Variants in RASGRF1 observed in about 807,000 individuals in gnomAD.
The protein encoded by RASGRF1 is ras-specific guanine nucleotide-releasing factor 1.
Under a neutral mutation model 138.7 loss-of-function variants are expected in RASGRF1, and 40 were observed. The observed-to-expected ratio is 0.29, with a 90% confidence interval of 0.22 to 0.38. RASGRF1 has a LOEUF of 0.38. Ranked by LOEUF, RASGRF1 falls within the 10% of genes least tolerant of loss-of-function variation. The pLI, the probability that RASGRF1 is intolerant of heterozygous loss-of-function variation, is 1.00. For synonymous variants in RASGRF1, 614 were observed against 663.2 expected (o/e 0.93, Z 1.14); for missense variants, 1,108 against 1,650.4 (o/e 0.67, Z 5.69).
chr15:78,978,486 A>G lies in RASGRF1; in HGVS notation c.3494+2134T>C, dbSNP rs369285144. ...GTGATCTGCCCACCTCGGCCTCCTA[A>G]AGTGCTGGGATTATAGGCATGAGCC... is the stretch of plus-strand genomic sequence containing the variant. On this transcript the variant is annotated intron_variant, in intron 24 of 26. Coordinates refer to ENST00000558480, the MANE Select transcript of RASGRF1 (RefSeq NM_001145648.3). The G allele has an allele frequency of 1.5e-4, 141 of 967,296 alleles. 1 individual carries two copies. The East Asian group carries it at 0.011, about 79-fold the overall frequency. The allele number at this position is 967,296 out of a possible 1,614,324, so 59.9% of individuals were successfully genotyped here. A position where few individuals can be genotyped will look rare whatever the true frequency, so the allele number is the denominator to read the frequency against.
intron 1 of RASGRF1, among the ~76,000 whole-genome samples, chr15:79,068,277 G>C (rs2057706086): frequency 6.6e-6 from 1 of 152,040 alleles, no homozygotes; most frequent in Non-Finnish European, 1.5e-5. Context: ...CACTGTAATG[G>C]AGAAGAGTTA....
intron 5 of RASGRF1, among the ~76,000 whole-genome samples, chr15:79,045,004 G>C (rs1163879133): frequency 2.0e-5 from 3 of 152,206 alleles, no homozygotes; most frequent in African/African-American, 7.2e-5. Flanking sequence ...TCTTAGTGAT[G>C]ATGATAAATG....
At chr15:79,038,646 A>T (rs1426098982) in intron 5 of RASGRF1, among the ~76,000 whole-genome samples, 1 of 152,104 alleles carries the variant, frequency 6.6e-6, no homozygotes, top group African/African-American at 2.4e-5. Context: ...TTAAATAACT[A>T]TATTAAGTGT....
At chr15:79,018,008 C>T (rs543542545) in intron 11 of RASGRF1, 102 bp from the exon 12 acceptor site, 191 of 1,424,144 alleles carry the variant, frequency 1.3e-4, no homozygotes, top group Non-Finnish European at 1.7e-4. Flanking sequence ...GGAGGCTCTG[C>T]GTTGGTAAGG....
At chr15:79,013,366 C>T (rs1302540599) in intron 13 of RASGRF1, among the ~76,000 whole-genome samples, 8 of 152,236 alleles carry the variant, frequency 5.3e-5, no homozygotes, top group Non-Finnish European at 7.3e-5. Flanking sequence ...TCAACTTGTG[C>T]AGAGGCTTAA....
intron 24 of RASGRF1, chr15:78,978,953 G>C (rs1023325428): frequency 1.1e-5 from 14 of 1,286,702 alleles, no homozygotes; most frequent in Non-Finnish European, 1.4e-5. Flanking sequence ...ACCTGAAAGA[G>C]GGAAGACGGT....
intron 1 of RASGRF1, among the ~76,000 whole-genome samples, chr15:79,086,576 C>A (rs2057982881): frequency 3.0e-5 from 1 of 32,954 alleles, no homozygotes; most frequent in African/African-American, 3.0e-4. Context: ...GGTTCTAAGA[C>A]CCCCCCCCCC....
At chr15:79,034,920 A>G (rs1220464466) in intron 6 of RASGRF1, among the ~76,000 whole-genome samples, 1 of 152,258 alleles carries the variant, frequency 6.6e-6, no homozygotes, top group Non-Finnish European at 1.5e-5. Flanking sequence ...TAAAAGGGGA[A>G]AGTGGATAGG....
chr15:79,039,160 G>A (rs2057261886), intron 5 of RASGRF1, among the ~76,000 whole-genome samples: 1 of 151,824 alleles, frequency 6.6e-6, no homozygotes, highest in Non-Finnish European at 1.5e-5. Context: ...AATTAGCCAG[G>A]AATGGTGGTG....
At position 79,006,154 on chromosome 15, in the gene RASGRF1, C is replaced by G. The variant is rs117070374; in HGVS notation, c.2075+32G>C. 39,992 of 1,612,564 alleles carry G rather than the reference C, an allele frequency of 0.025. 613 individuals carry two copies. Among genetic ancestry groups the G allele is most frequent in the Non-Finnish European group, 0.03 (35,279 of 1,178,876 alleles). On this transcript the variant is annotated intron_variant, in intron 14 of 26. Coordinates refer to ENST00000558480, the MANE Select transcript of RASGRF1 (RefSeq NM_001145648.3). This position sits in a 1 kb window ranked among gnomAD's most constrained non-coding sequence, Gnocchi z 4.0. ...TTTCCTCCAAGGCTTGGAAGCTCTCCGGGCATGGGAGGAGGAGGGCACCTC... is the reference window on the plus strand; with the variant it reads ...TTTCCTCCAAGGCTTGGAAGCTCTCGGGGCATGGGAGGAGGAGGGCACCTC...
chr15:78,998,223 T>G lies in RASGRF1; in HGVS notation c.2854-15A>C, dbSNP rs759685468. 1.9e-5 allele frequency: 30 copies of G among 1,603,842 alleles called. No individual in the cohort carries two copies. The highest frequency in any genetic ancestry group is 1.8e-5 in the Non-Finnish European group (21 of 1,170,814). ...GTCTCAAAGTCCTGCCGGGAAGGTG[T>G]GATGGGTGGCTCTGGTTACTGTTTT... On this transcript the variant is annotated splice_polypyrimidine_tract_variant and intron_variant, in intron 18 of 26. Coordinates refer to ENST00000558480, the MANE Select transcript of RASGRF1 (RefSeq NM_001145648.3).
At chr15:79,012,794 C>T (rs112875166) in intron 13 of RASGRF1, among the ~76,000 whole-genome samples, 1,687 of 152,274 alleles carry the variant, frequency 0.011, 35 homozygotes, top group African/African-American at 0.038. Flanking sequence ...GTGATGCTCT[C>T]GCCTCAGCCT....
At chr15:78,965,026 G>GT (rs1596305858) in intron 26 of RASGRF1, among the ~76,000 whole-genome samples, 1 of 151,998 alleles carries the variant, frequency 6.6e-6, no homozygotes, top group Admixed American at 6.6e-5. Context: ...CCGTTTTCAG[G>GT]TTTTTTGATA....
At position 78,993,047 on chromosome 15, in the gene RASGRF1, ATGTGGGTGGTG is replaced by A. The variant is rs1193815458; in HGVS notation, c.3028-1264_3028-1254del. On this transcript the variant is annotated intron_variant, in intron 20 of 26. Coordinates refer to ENST00000558480, the MANE Select transcript of RASGRF1 (RefSeq NM_001145648.3). ...GGTGTGTGGGTGGTGTGTGTGTGCC[ATGTGGGTGGTG>A]TGTGGGTGGTGTGTGTGGTGTGTGG... Among the ~76,000 whole-genome samples, 9 of 137,294 alleles carry A rather than the reference ATGTGGGTGGTG, an allele frequency of 6.6e-5. No homozygotes were observed. The South Asian group carries it at 7.4e-4, about 11-fold the overall frequency. 90.1% of individuals were successfully genotyped at this position (137,294 alleles called of 152,430 possible). A position where few individuals can be genotyped will look rare whatever the true frequency, so the allele number is the denominator to read the frequency against.
chr15:79,061,486 T>G (rs2057606804), intron 2 of RASGRF1, among the ~76,000 whole-genome samples: 1 of 147,344 alleles, frequency 6.8e-6, no homozygotes, highest in Non-Finnish European at 1.5e-5. Context: ...GCGTAGGTCT[T>G]AAGTGCAGTT....
intron 4 of RASGRF1, 126 bp from the exon 5 acceptor site, chr15:79,047,125 A>G (rs1304321706): frequency 2.5e-6 from 3 of 1,196,290 alleles, no homozygotes; most frequent in Admixed American, 4.9e-5. Context: ...GGCATGTAGC[A>G]AAAAGAGCTC....
At chr15:78,988,719 CAGA>C (rs2056210501) in intron 22 of RASGRF1, among the ~76,000 whole-genome samples, 1 of 152,124 alleles carries the variant, frequency 6.6e-6, no homozygotes, top group African/African-American at 2.4e-5. Context: ...TGATTAAACT[CAGA>C]AGAATGAGGA....
chr15:79,055,781 C>T (rs1214683031), intron 3 of RASGRF1, among the ~76,000 whole-genome samples: 1 of 152,306 alleles, frequency 6.6e-6, no homozygotes, highest in South Asian at 2.1e-4. Flanking sequence ...AGCGCAAGCC[C>T]TACTATGGCA....
intron 16 of RASGRF1, among the ~76,000 whole-genome samples, chr15:79,001,460 G>T (rs1473300905): frequency 6.7e-6 from 1 of 149,172 alleles, no homozygotes; most frequent in Non-Finnish European, 1.5e-5. Flanking sequence ...CCCAGCCAAT[G>T]TTCCAGTGCC....
Sources: allele counts gnomAD v4.1 joint callset (sites outside exome capture counted in the v4.1 genomes callset), GRCh38; gene constraint gnomAD v4.1.1; non-coding constraint Gnocchi (gnomAD v3.1); transcripts MANE v1.5; gene names NCBI Gene and HGNC (gene_info 2026-07-23, HGNC 2026-07-21).